TRIM58: variants seen among roughly 807,000 people sequenced by gnomAD.
TRIM58 encodes the protein tripartite motif containing 58.
Under a neutral mutation model 34.1 loss-of-function variants are expected in TRIM58, and 38 were observed. The observed-to-expected ratio is 1.12, with a 90% confidence interval of 0.86 to 1.46. The LOEUF is 1.46. Among genes scored for constraint, TRIM58 ranks in the 40% most tolerant of loss-of-function variants. TRIM58 has a pLI of 0.00. For synonymous variants in TRIM58, 273 were observed against 275.7 expected, an observed-to-expected ratio of 0.99 and a Z score of 0.10; for missense variants, 677 against 642.0, an observed-to-expected ratio of 1.05 and a Z score of -0.59.
chr1:247,868,148 A>T, intron 5 of TRIM58, 85 bp downstream of exon 5: 5 of 1,197,034 alleles, frequency 4.2e-6, no homozygotes, highest in Non-Finnish European at 6.0e-6. Context: ...ACTGGGAATG[A>T]GGCTGCCTGG....
chr1:247,872,800 G>A (rs996643644), intron 5 of TRIM58, among the ~76,000 whole-genome samples: 2 of 152,276 alleles, frequency 1.3e-5, no homozygotes, highest in Admixed American at 6.5e-5. Context: ...TGGTGGAGGA[G>A]AAGAGAACAG....
At chr1:247,864,455 G>A (rs1299222154) in intron 2 of TRIM58, among the ~76,000 whole-genome samples, 1 of 152,102 alleles carries the variant, frequency 6.6e-6, no homozygotes. Flanking sequence ...GTATAAAAGT[G>A]CCTTGCCCCC....
chr1:247,869,389 A>T (rs1237575843), intron 5 of TRIM58, among the ~76,000 whole-genome samples: 1 of 152,240 alleles, frequency 6.6e-6, no homozygotes, highest in Non-Finnish European at 1.5e-5. Context: ...AACCACACCC[A>T]GTGGGAGGCT....
Position 247,878,644 on chromosome 1 carries a change from C to T in TRIM58, c.*2155C>T, listed in dbSNP as rs550617054. 2.0e-5 allele frequency among the ~76,000 whole-genome samples: 3 copies of T among 152,262 alleles called. No individual in the cohort carries two copies. Among genetic ancestry groups the T allele is most frequent in the South Asian group, 2.1e-4 (1 of 4,820 alleles). Reference sequence around the variant, plus strand: ...GATCAGGTGGGTGGCTTGAGATACCCCTTCCATGGGGCACCACCCATTCAG... The same window carrying T: ...GATCAGGTGGGTGGCTTGAGATACCTCTTCCATGGGGCACCACCCATTCAG... On this transcript the variant is annotated 3_prime_UTR_variant, in exon 6 of 6. Transcript: ENST00000366481.
chr1:247,877,215 C>T lies in TRIM58; in HGVS notation c.*726C>T, dbSNP rs1659310832. 6.6e-6 allele frequency: 1 copy of T among 150,792 alleles called. No homozygotes were observed. The highest frequency in any genetic ancestry group is 2.1e-4 in the South Asian group (1 of 4,828). 9.3% of individuals were successfully genotyped at this position (150,792 alleles called of 1,614,324 possible). On this transcript the variant is annotated 3_prime_UTR_variant, in exon 6 of 6. Coordinates refer to ENST00000366481, the MANE Select transcript of TRIM58 (RefSeq NM_015431.4). ...ACTTTTTCCGTTTTCTTTGGATACACTTTAAGTAGGAATTTATCAGAATTT... is the reference window on the plus strand; with the variant it reads ...ACTTTTTCCGTTTTCTTTGGATACATTTTAAGTAGGAATTTATCAGAATTT...
chr1:247,872,564 C>G (rs1020737558), intron 5 of TRIM58, among the ~76,000 whole-genome samples: 1 of 152,080 alleles, frequency 6.6e-6, no homozygotes, highest in Non-Finnish European at 1.5e-5. Context: ...GTGGATGTTG[C>G]GATGAGTGCT....
At chr1:247,871,553 A>G (rs1659121127) in intron 5 of TRIM58, among the ~76,000 whole-genome samples, 4 of 150,870 alleles carry the variant, frequency 2.7e-5, no homozygotes, top group Admixed American at 2.6e-4. Context: ...AAAGTCCCTT[A>G]ATGAGAAAAC....
Position 247,876,037 on chromosome 1 carries a change from G to T in TRIM58, c.1009G>T (p.Gly337Cys). The change falls in exon 6 of 6, where the codon GGT (glycine) becomes TGT (cysteine). Residue 337 changes from glycine (G) to cysteine (C), a missense_variant. Transcript: ENST00000366481. ...ERFDTWPCILGLQSFSSGRHY... is the reference protein window; with the variant it reads ...ERFDTWPCILCLQSFSSGRHY... The stretch of plus-strand genomic sequence containing the variant: ...ATTTGACACATGGCCCTGCATCCTG[G>T]GTTTGCAGAGCTTCTCATCAGGGAG... 1.2e-6 allele frequency: 2 copies of T among 1,614,206 alleles called. No homozygotes were observed. Among genetic ancestry groups the T allele is most frequent in the Non-Finnish European group, 8.5e-7 (1 of 1,180,042 alleles).
chr1:247,867,819 A>G, intron 3 of TRIM58, 26 bp from the exon 4 acceptor site: 1 of 1,614,170 alleles, frequency 6.2e-7, no homozygotes, highest in Non-Finnish European at 8.5e-7. Flanking sequence ...AGTCCAACTC[A>G]CACTGTGTTT....
At chr1:247,875,564 A>G (rs1659264811) in intron 5 of TRIM58, among the ~76,000 whole-genome samples, 1 of 151,226 alleles carries the variant, frequency 6.6e-6, no homozygotes, top group Non-Finnish European at 1.5e-5. Context: ...TCTCTCACGC[A>G]CACACACACA....
In TRIM58 at chr1:247,875,788, G is replaced by A. The variant is rs183737888; in HGVS notation, c.872-112G>A. The A allele has an allele frequency of 3.0e-5, 25 of 839,460 alleles. No homozygotes were observed. The African/African-American group carries it at 3.4e-4, about 11-fold the overall frequency. The allele number at this position is 839,460 out of a possible 1,614,324, so 52.0% of individuals were successfully genotyped here. On this transcript the variant is annotated intron_variant, in intron 5 of 5. Transcript: ENST00000366481. ...AAATACTGATTTGTTTTCTCTAGGAGTTAATAGAGAGAGAAAAGTGAGGAA... is the reference window on the plus strand; with the variant it reads ...AAATACTGATTTGTTTTCTCTAGGAATTAATAGAGAGAGAAAAGTGAGGAA...
intron 5 of TRIM58, among the ~76,000 whole-genome samples, chr1:247,874,699 A>G (rs911406320): frequency 2.0e-5 from 3 of 152,140 alleles, no homozygotes; most frequent in African/African-American, 7.2e-5. Context: ...CATAACTACA[A>G]GCTTATGTGC....
intron 5 of TRIM58, among the ~76,000 whole-genome samples, chr1:247,869,312 TG>T (rs200066437): frequency 2.9e-4 from 43 of 150,806 alleles, no homozygotes; most frequent in East Asian, 1.4e-3. Flanking sequence ...TCTTCAGAGG[TG>T]GGGGGGGGTG....
At chr1:247,864,993 AC>A in intron 3 of TRIM58, 58 bp downstream of exon 3, 1 of 1,423,804 alleles carries the variant, frequency 7.0e-7, no homozygotes, top group Non-Finnish European at 9.4e-7. Flanking sequence ...AGAGACTAGT[AC>A]AATGGCTTTC....
chr1:247,873,665 G>T (rs1659200449), intron 5 of TRIM58, among the ~76,000 whole-genome samples: 2 of 152,068 alleles, frequency 1.3e-5, no homozygotes, highest in East Asian at 1.9e-4. Flanking sequence ...ACTCAGGTTG[G>T]GTATCAATAA....
At position 247,857,466 on chromosome 1, in the gene TRIM58, CA is replaced by C; in HGVS notation, c.221del (p.Gln74ArgfsTer30). On this transcript the variant is annotated frameshift_variant, in exon 1 of 6. Coordinates refer to ENST00000366481, the MANE Select transcript of TRIM58 (RefSeq NM_015431.4). LOFTEE classifies it high-confidence loss of function. ...FRPSGFRPNR[Q>X]LAGLVESVRR... ...GCCCTCGGGCTTTCGCCCCAACCGG[CA>C]GCTGGCGGGCCTGGTGGAGAGCGTG... 7.2e-7 allele frequency: 1 copy of C among 1,379,952 alleles called. No individual in the cohort carries two copies. The highest frequency in any genetic ancestry group is 1.8e-5 in the South Asian group (1 of 55,930). 85.5% of individuals were successfully genotyped at this position (1,379,952 alleles called of 1,614,324 possible).
In TRIM58 at chr1:247,876,204, C is replaced by G. The variant is rs1408919310; in HGVS notation, c.1176C>G (p.Tyr392Ter). 1.2e-6 allele frequency: 2 copies of G among 1,614,228 alleles called. No individual in the cohort carries two copies. The highest frequency in any genetic ancestry group is 3.3e-5 in the Admixed American group (2 of 60,024). Residue 392 changes from tyrosine to a stop codon, truncating the protein, a stop_gained, in exon 6 of 6, where the codon TAC becomes TAG. Coordinates refer to ENST00000366481, the MANE Select transcript of TRIM58 (RefSeq NM_015431.4). LOFTEE classifies it low-confidence loss of function (END_TRUNC). ...WALWLLKGNEYMVLASPSVPL... is the reference protein window; with the variant it reads ...WALWLLKGNE ...TGTGGCTGCTGAAAGGGAATGAGTA[C>G]ATGGTCCTTGCCTCCCCATCAGTGC...
intron 1 of TRIM58, among the ~76,000 whole-genome samples, chr1:247,859,565 T>C (rs1572568762): frequency 1.3e-5 from 2 of 152,148 alleles, no homozygotes; most frequent in East Asian, 3.8e-4. Context: ...CGCCCTATCA[T>C]TGAAGGAAGA....
intron 1 of TRIM58, 60 bp downstream of exon 1, chr1:247,857,726 C>G: frequency 8.3e-7 from 1 of 1,204,746 alleles, no homozygotes; most frequent in African/African-American, 1.6e-5. Context: ...GGGCGACAGT[C>G]CGGAGCGGAG....
Sources: gnomAD v4.1 joint callset for allele counts (sites outside exome capture counted in the v4.1 genomes callset) on GRCh38, gnomAD v4.1.1 for gene constraint, MANE v1.5 for transcripts, NCBI Gene and HGNC (gene_info 2026-07-23, HGNC 2026-07-21) for gene names.